LAMB4: variants seen among roughly 807,000 people sequenced by gnomAD.
LAMB4 encodes laminin subunit beta-4.
Under a neutral mutation model 199.2 loss-of-function variants are expected in LAMB4, and 196 were observed. The ratio of observed to expected loss-of-function variants is 0.98; its 90% CI spans 0.88 to 1.11. LAMB4 has a LOEUF of 1.11. Among genes scored for constraint, LAMB4 ranks in the 50% least tolerant of loss-of-function variants. The probability of loss-of-function intolerance (pLI) is 0.00; values close to 1 mark genes in which losing one functional copy is unlikely to be tolerated. For synonymous variants in LAMB4, 744 were observed against 770.6 expected (o/e 0.97, Z 0.57); for missense variants, 2,080 against 2,171.2 (o/e 0.96, Z 0.83).
intron 9 of LAMB4, 70 bp from the exon 10 acceptor site, chr7:108,103,302 G>A: frequency 1.6e-6 from 2 of 1,282,982 alleles, no homozygotes; most frequent in Non-Finnish European, 2.1e-6. Flanking sequence ...CCCCCGCACT[G>A]GTCAGGGCAC....
intron 28 of LAMB4, among the ~76,000 whole-genome samples, chr7:108,046,236 AT>A (rs559845089): frequency 0.012 from 1,603 of 132,796 alleles, 7 homozygotes; most frequent in South Asian, 0.036. Context: ...TCCTGGCTAA[AT>A]TTTTTTTTTT....
At chr7:108,088,380 T>C (rs985775417) in intron 14 of LAMB4, among the ~76,000 whole-genome samples, 1 of 152,106 alleles carries the variant, frequency 6.6e-6, no homozygotes, top group Non-Finnish European at 1.5e-5. Flanking sequence ...GCCAGGCTAG[T>C]CTCAAACTCC....
At chr7:108,079,190 C>T (rs950218735) in intron 15 of LAMB4, among the ~76,000 whole-genome samples, 8 of 152,184 alleles carry the variant, frequency 5.3e-5, no homozygotes, top group Non-Finnish European at 1.2e-4. Flanking sequence ...TTTCTCTTGT[C>T]GCAGGGTAAG....
intron 33 of LAMB4, among the ~76,000 whole-genome samples, chr7:108,024,754 C>T (rs1293546371): frequency 6.6e-6 from 1 of 152,146 alleles, no homozygotes; most frequent in Non-Finnish European, 1.5e-5. Context: ...TCCGTCCATC[C>T]GTCCATCCAT....
At chr7:108,100,647 C>G (rs440938) in intron 10 of LAMB4, among the ~76,000 whole-genome samples, 52,324 of 152,042 alleles carry the variant, frequency 0.34, 9,501 homozygotes, top group Non-Finnish European at 0.4. Context: ...TTGATGTGCT[C>G]AAAATATTTG....
At chr7:108,018,112 T>C in the LAMB4 span, among the ~76,000 whole-genome samples, 3 of 152,246 alleles carry the variant, frequency 2.0e-5, no homozygotes, top group Non-Finnish European at 4.4e-5. Flanking sequence ...GTTCAGCTGC[T>C]GTAACAGAGG....
intron 26 of LAMB4, among the ~76,000 whole-genome samples, chr7:108,051,682 GT>G (rs950296130): frequency 2.6e-5 from 4 of 151,510 alleles, no homozygotes; most frequent in Non-Finnish European, 5.9e-5. Context: ...ATATTGTGGG[GT>G]TTTTTTTGCC....
intron 14 of LAMB4, among the ~76,000 whole-genome samples, chr7:108,089,050 T>C (rs770106661): frequency 1.2e-4 from 19 of 152,186 alleles, no homozygotes; most frequent in South Asian, 4.1e-4. Flanking sequence ...GAAGGTTGCA[T>C]AGAAGAGGTT....
intron 6 of LAMB4, 148 bp downstream of exon 6, chr7:108,107,483 A>C (rs446800): frequency 0.39 from 241,234 of 614,064 alleles, 48,625 homozygotes; most frequent in Non-Finnish European, 0.41. Context: ...TTATTTGGGA[A>C]TCATTTCAGT....
At position 108,055,934 on chromosome 7, in the gene LAMB4, C is replaced by T; in HGVS notation, c.3453G>A (p.Glu1151=). 1 of 1,614,170 alleles carries T rather than the reference C, an allele frequency of 6.2e-7. No homozygotes were observed. The highest frequency in any genetic ancestry group is 1.1e-5 in the South Asian group (1 of 91,078). ...GATCACATCTCTGGCCGCTGACACCCTCCCGGCAGCGGCACATGCCTGTGT... is the reference window on the plus strand; with the variant it reads ...GATCACATCTCTGGCCGCTGACACCTTCCCGGCAGCGGCACATGCCTGTGT... The part of the protein sequence containing the change: ...DPDTGMCRCR[E]GVSGQRCDRC... The change falls in exon 25 of 34, where the codon GAG becomes GAA. Residue 1151 remains glutamate, a synonymous_variant. Transcript: ENST00000388781.
intron 28 of LAMB4, among the ~76,000 whole-genome samples, chr7:108,045,498 C>T (rs752893800): frequency 4.6e-5 from 7 of 152,304 alleles, no homozygotes; most frequent in Admixed American, 2.6e-4. Flanking sequence ...CATTTATGTG[C>T]TGATTAAACT....
intron 14 of LAMB4, among the ~76,000 whole-genome samples, chr7:108,080,622 A>T (rs916483539): frequency 6.6e-6 from 1 of 152,174 alleles, no homozygotes; most frequent in Non-Finnish European, 1.5e-5. Context: ...CCTTCATTTG[A>T]TAAATGTTTA....
At chr7:108,047,447 T>C (rs2035666728) in intron 28 of LAMB4, among the ~76,000 whole-genome samples, 1 of 152,196 alleles carries the variant, frequency 6.6e-6, no homozygotes, top group African/African-American at 2.4e-5. Flanking sequence ...AAGTATATTT[T>C]CTCTTCCTGA....
At chr7:108,038,407 C>T (rs2035304076) in intron 29 of LAMB4, among the ~76,000 whole-genome samples, 1 of 152,180 alleles carries the variant, frequency 6.6e-6, no homozygotes, top group Admixed American at 6.5e-5. Context: ...CTGATCCACC[C>T]ACCTTGCCCT....
At chr7:108,068,181 A>T (rs199923792) in intron 18 of LAMB4, 22 bp from the exon 19 acceptor site, 768 of 1,612,940 alleles carry the variant, frequency 4.8e-4, no homozygotes, top group Non-Finnish European at 5.5e-4. Context: ...AATGGAAGGG[A>T]GGTAGAAATG....
chr7:108,073,559 A>G (rs2036603122), intron 17 of LAMB4, among the ~76,000 whole-genome samples: 1 of 152,252 alleles, frequency 6.6e-6, no homozygotes, highest in Admixed American at 6.5e-5. Flanking sequence ...AAGGAGCACC[A>G]TGGATAAACA....
chr7:108,125,605 A>T (rs1169727410), intron 1 of LAMB4, among the ~76,000 whole-genome samples: 1 of 152,184 alleles, frequency 6.6e-6, no homozygotes, highest in East Asian at 1.9e-4. Flanking sequence ...TCTCCAGTGG[A>T]GAACCTATTC....
intron 19 of LAMB4, among the ~76,000 whole-genome samples, chr7:108,067,420 C>T (rs2036380178): frequency 1.3e-5 from 2 of 152,220 alleles, no homozygotes; most frequent in African/African-American, 4.8e-5. Context: ...ATGATTTACA[C>T]TGTGAAGAGA....
At chr7:108,103,693 C>T (rs2037897270) in intron 9 of LAMB4, among the ~76,000 whole-genome samples, 1 of 152,178 alleles carries the variant, frequency 6.6e-6, no homozygotes, top group African/African-American at 2.4e-5. Flanking sequence ...GCAAGGGCTG[C>T]GGTCAATTTT....
Sources: gnomAD v4.1 joint callset for allele counts (sites outside exome capture counted in the v4.1 genomes callset) on GRCh38, gnomAD v4.1.1 for gene constraint, MANE v1.5 for transcripts, NCBI Gene and HGNC (gene_info 2026-07-23, HGNC 2026-07-21) for gene names.